RBM4B: variants seen among roughly 807,000 people sequenced by gnomAD.
The protein encoded by RBM4B is RNA binding motif protein 4B, also known as RNA-binding protein 4B.
In RBM4B, 13 loss-of-function variants were observed where a neutral mutation model predicts 28.5. The observed-to-expected ratio is 0.46, with a 90% CI of 0.30 to 0.72. The LOEUF (loss-of-function observed/expected upper bound fraction) is 0.72. RBM4B is among the 30% of genes least tolerant of loss of function. The probability of loss-of-function intolerance (pLI) is 0.09; values close to 1 mark genes in which losing one functional copy is unlikely to be tolerated. For synonymous variants in RBM4B, 167 were observed against 179.1 expected (o/e 0.93, Z 0.54); for missense variants, 387 against 477.6 (o/e 0.81, Z 1.77).
rs374593903 is a variant in RBM4B, at chr11:66,668,966, C to G, written c.738G>C (p.Gln246His). The change falls in exon 3 of 4, where the codon CAG (glutamine) becomes CAC (histidine). Residue 246 changes from glutamine to histidine, a missense_variant. Gln to His is a conservative substitution (Grantham distance 24). Around this residue, in one of 2 missense-constraint regions of RBM4B, gnomAD observed 226 missense variants for 220.6 expected, o/e 1.02. Transcript: ENST00000310046. ...AAASAYNYAEQTMSHLPQVQS... is the reference protein window; with the variant it reads ...AAASAYNYAEHTMSHLPQVQS... ...GGACTTGAGGCAGATGGGACATGGT[C>G]TGCTCTGCGTAGTTGTATGCAGAAG... 1.2e-6 allele frequency: 2 copies of G among 1,614,208 alleles called. No individual in the cohort carries two copies. The highest frequency in any genetic ancestry group is 2.2e-5 in the East Asian group (1 of 44,886).
At position 66,669,026 on chromosome 11, in the gene RBM4B, G is replaced by A. The variant is rs951406935; in HGVS notation, c.678C>T (p.Val226=). 6.2e-7 allele frequency: 1 copy of A among 1,614,208 alleles called. No individual in the cohort carries two copies. Residue 226 remains valine, a synonymous_variant, in exon 3 of 4, where the codon GTC becomes GTT. Transcript: ENST00000310046. ...CCGCTGCTACTGCCTCATAAGAGCG[G>A]ACCCGGTATCGCTTATAGTAGTCGA... ...GALDYYKRYR[V]RSYEAVAAAA...
intron 3 of RBM4B, chr11:66,667,678 G>A (rs765447996): frequency 6.6e-6 from 1 of 151,328 alleles, no homozygotes; most frequent in Non-Finnish European, 1.5e-5. Context: ...TTTGACAAAG[G>A]ACAATGACCC....
intron 2 of RBM4B, among the ~76,000 whole-genome samples, chr11:66,670,617 T>C (rs1240775884): frequency 1.3e-5 from 2 of 152,162 alleles, no homozygotes; most frequent in Admixed American, 6.6e-5. Context: ...GGAGTATTCC[T>C]GGCATTATTT....
intron 2 of RBM4B, among the ~76,000 whole-genome samples, chr11:66,675,320 G>A (rs1939602876): frequency 6.6e-6 from 1 of 152,144 alleles, no homozygotes; most frequent in Non-Finnish European, 1.5e-5. Context: ...CATAAGTGGG[G>A]ACAATCTTAG....
intron 3 of RBM4B, 35 bp downstream of exon 3, chr11:66,668,580 A>G (rs1436749845): frequency 1.3e-6 from 2 of 1,524,502 alleles, no homozygotes; most frequent in East Asian, 4.5e-5. Context: ...AGGGAACTAA[A>G]TGGAATCTTT....
At chr11:66,671,743 CGTTT>C (rs968229784) in intron 2 of RBM4B, among the ~76,000 whole-genome samples, 82 of 151,980 alleles carry the variant, frequency 5.4e-4, no homozygotes, top group African/African-American at 1.9e-3. Context: ...TTTTTTGTTG[CGTTT>C]GTTTGATTTT....
At chr11:66,677,127 T>G (rs1009554863) in intron 1 of RBM4B, 36 bp from the exon 2 acceptor site, 1 of 1,591,048 alleles carries the variant, frequency 6.3e-7, no homozygotes, top group Non-Finnish European at 8.6e-7. Flanking sequence ...AAGTCAGGGG[T>G]GTGGTGGGAA....
chr11:66,669,012 G>A lies in RBM4B; in HGVS notation c.692C>T (p.Ala231Val), dbSNP rs371878027. 73 of 1,614,102 alleles carry A rather than the reference G, an allele frequency of 4.5e-5. No individual in the cohort carries two copies. In the African/African-American group the frequency reaches 6.7e-4, roughly 15 times the overall value. Reference protein sequence around the residue: ...YKRYRVRSYEAVAAAAAASAY... With the variant: ...YKRYRVRSYEVVAAAAAASAY... Reference sequence around the variant, plus strand: ...AGAAGCCGCTGCCGCCGCTGCTACTGCCTCATAAGAGCGGACCCGGTATCG... The same window carrying A: ...AGAAGCCGCTGCCGCCGCTGCTACTACCTCATAAGAGCGGACCCGGTATCG... Residue 231 changes from alanine to valine, a missense_variant, in exon 3 of 4, where the codon GCA (alanine) becomes GTA (valine). Physicochemically the swap from Ala to Val is moderately conservative, Grantham distance 64. Coordinates refer to ENST00000310046, the MANE Select transcript of RBM4B (RefSeq NM_031492.4).
In RBM4B at chr11:66,669,109, T is replaced by C. The variant is rs1297786701; in HGVS notation, c.595A>G (p.Thr199Ala). Reference protein sequence around the residue: ...QYNEQYGAVRTPYTMGYGESM... With the variant: ...QYNEQYGAVRAPYTMGYGESM... ...TCCCCGTAGCCCATGGTGTAAGGTG[T>C]TCGAACTGCTCCATATTGTTCATTA... The change falls in exon 3 of 4, where the codon ACA (threonine) becomes GCA (alanine). Residue 199 changes from threonine (T) to alanine (A), a missense_variant. Physicochemically the swap from Thr to Ala is moderately conservative, Grantham distance 58. Around this residue, in one of 2 missense-constraint regions of RBM4B, gnomAD observed 226 missense variants for 220.6 expected, o/e 1.02. Coordinates refer to ENST00000310046, the MANE Select transcript of RBM4B (RefSeq NM_031492.4). 5 of 1,614,050 alleles carry C rather than the reference T, an allele frequency of 3.1e-6. No homozygotes were observed. The highest frequency in any genetic ancestry group is 4.2e-6 in the Non-Finnish European group (5 of 1,180,034).
At chr11:66,677,394 A>T in intron 1 of RBM4B, 1 of 420,368 alleles carries the variant, frequency 2.4e-6, no homozygotes, top group Non-Finnish European at 4.3e-6. Flanking sequence ...AGAAAAGCCC[A>T]AGCAAAGGCA....
chr11:66,671,161 A>G (rs1939451146), intron 2 of RBM4B, among the ~76,000 whole-genome samples: 2 of 152,174 alleles, frequency 1.3e-5, no homozygotes, highest in Admixed American at 1.3e-4. Flanking sequence ...TATACCTCCA[A>G]CTGCTAGGAG....
chr11:66,676,633 ACTCGGCG>A, intron 2 of RBM4B, 28 bp downstream of exon 2: 1 of 1,606,914 alleles, frequency 6.2e-7, no homozygotes. Flanking sequence ...GCTAGACCCC[ACTCGGCG>A]CTACTACCCA....
At chr11:66,674,790 G>T (rs1374577998) in intron 2 of RBM4B, among the ~76,000 whole-genome samples, 1 of 149,186 alleles carries the variant, frequency 6.7e-6, no homozygotes, top group Non-Finnish European at 1.5e-5. Context: ...GGCTGGTCTC[G>T]AACTCCTGAC....
chr11:66,671,056 T>C, intron 2 of RBM4B: 1 of 702,078 alleles, frequency 1.4e-6, no homozygotes, highest in Non-Finnish European at 2.6e-6. Flanking sequence ...GGGAGCGGGT[T>C]AGTGTGGCAA....
chr11:66,671,069 T>G, intron 2 of RBM4B: 1 of 699,642 alleles, frequency 1.4e-6, no homozygotes, highest in Non-Finnish European at 2.6e-6. Flanking sequence ...TGTGGCAATA[T>G]CACTTTAGTC....
intron 3 of RBM4B, chr11:66,668,407 A>G: frequency 1.9e-6 from 1 of 514,006 alleles, no homozygotes; most frequent in Admixed American, 3.3e-5. Context: ...CTCAGAAGGA[A>G]CAAGTTGGTT....
At chr11:66,669,738 G>A (rs373865140) in intron 2 of RBM4B, among the ~76,000 whole-genome samples, 5 of 152,218 alleles carry the variant, frequency 3.3e-5, no homozygotes, top group East Asian at 3.9e-4. Flanking sequence ...GCGCCATTGC[G>A]CCCTGCCAGT....
intron 2 of RBM4B, among the ~76,000 whole-genome samples, chr11:66,672,509 G>GA (rs1196658721): frequency 2.7e-5 from 4 of 150,746 alleles, no homozygotes; most frequent in Non-Finnish European, 4.4e-5. Context: ...TTTTTTTGGG[G>GA]GGGGGGGACA....
chr11:66,665,729 G>T, intron 3 of RBM4B, 151 bp from the exon 4 acceptor site: 1 of 1,371,368 alleles, frequency 7.3e-7, no homozygotes, highest in South Asian at 1.3e-5. Context: ...CATATCCCAT[G>T]TAATTACCTA....
Sources: gnomAD v4.1 joint callset for allele counts (sites outside exome capture counted in the v4.1 genomes callset) on GRCh38, gnomAD v4.1.1 for gene constraint, gnomAD v4.1.1 regional missense constraint, MANE v1.5 for transcripts, NCBI Gene and HGNC (gene_info 2026-07-23, HGNC 2026-07-21) for gene names.